The following RGS22 variants were observed in gnomAD, a reference collection of about 807,000 sequenced individuals.
The protein encoded by RGS22 is regulator of G protein signaling 22, also known as regulator of G-protein signaling 22.
Under a neutral mutation model 172.9 loss-of-function variants are expected in RGS22, and 148 were observed. That is an observed-to-expected ratio of 0.86 (90% CI 0.75 to 0.98). RGS22 has a LOEUF of 0.98. Ranked by LOEUF, RGS22 falls within the 50% of genes least tolerant of loss-of-function variation. The pLI is 0.00. For synonymous variants in RGS22, 458 were observed against 480.2 expected (o/e 0.95, Z 0.60); for missense variants, 1,347 against 1,440.8 (o/e 0.93, Z 1.05).
In RGS22 at chr8:100,016,978, CTTTTTTTTTTTTTTTTTT is replaced by C. The variant is rs71274949; in HGVS notation, c.2167-8427_2167-8410del. On this transcript the variant is annotated intron_variant, in intron 14 of 27. Transcript: ENST00000360863. The stretch of plus-strand genomic sequence containing the variant: ...CCTACATCCCTGATTCCTTACCAGT[CTTTTTTTTTTTTTTTTTT>C]TTTTTTTTTTTTTTTTTTTTAAACA... 7.6e-3 allele frequency among the ~76,000 whole-genome samples: 274 copies of C among 36,136 alleles called. 5 individuals are homozygous for C. The East Asian group carries it at 0.097, about 13-fold the overall frequency. 23.7% of individuals were successfully genotyped at this position (36,136 alleles called of 152,430 possible).
intron 3 of RGS22, among the ~76,000 whole-genome samples, chr8:100,083,625 C>CAA (rs1476983968): frequency 1.3e-5 from 2 of 151,972 alleles, no homozygotes; most frequent in Non-Finnish European, 2.9e-5. Context: ...CTTGGCCTCT[C>CAA]AAAGTGCTGG....
chr8:100,101,572 C>T (rs769390114), intron 2 of RGS22, among the ~76,000 whole-genome samples: 9 of 150,606 alleles, frequency 6.0e-5, no homozygotes, highest in African/African-American at 9.8e-5. Context: ...AGATTACAAG[C>T]ATGAGCCACT....
At chr8:99,978,144 T>C (rs956134763) in intron 22 of RGS22, 69 bp from the exon 23 acceptor site, 1 of 839,098 alleles carries the variant, frequency 1.2e-6, no homozygotes, top group African/African-American at 1.8e-5. Flanking sequence ...TTCACCATAA[T>C]AACAGATTAA....
intron 3 of RGS22, among the ~76,000 whole-genome samples, chr8:100,083,331 C>T (rs2446909): frequency 0.34 from 51,148 of 152,040 alleles, 9,930 homozygotes; most frequent in East Asian, 0.45. Flanking sequence ...CCGTCACATG[C>T]AGAGGCCAGG....
Position 100,001,265 on chromosome 8 carries a change from C to T in RGS22, c.2790+937G>A, listed in dbSNP as rs537382754. Among the ~76,000 whole-genome samples, 5 of 94,438 alleles carry T rather than the reference C, an allele frequency of 5.3e-5. No individual in the cohort carries two copies. In the South Asian group the frequency reaches 1.3e-3, roughly 25 times the overall value. 62.0% of individuals were successfully genotyped at this position (94,438 alleles called of 152,430 possible). A position where few individuals can be genotyped will look rare whatever the true frequency, so the allele number is the denominator to read the frequency against. On this transcript the variant is annotated intron_variant, in intron 18 of 27. Transcript: ENST00000360863. ...TTTTTTTTTTTGAGACACAGTCTCA[C>T]TCACTCTGTTGTCTAGGCTGGAGTG...
intron 3 of RGS22, among the ~76,000 whole-genome samples, chr8:100,090,127 G>C (rs1195703205): frequency 6.6e-6 from 1 of 152,176 alleles, no homozygotes; most frequent in African/African-American, 2.4e-5. Context: ...GAAAAGAAAA[G>C]TGAAGCACTA....
intron 23 of RGS22, among the ~76,000 whole-genome samples, chr8:99,970,387 C>A (rs1811206811): frequency 6.6e-6 from 1 of 151,892 alleles, no homozygotes; most frequent in African/African-American, 2.4e-5. Flanking sequence ...AAGATCAGAG[C>A]AAAACTAAAG....
At chr8:100,058,392 C>G (rs1317764431) in intron 9 of RGS22, among the ~76,000 whole-genome samples, 1 of 152,028 alleles carries the variant, frequency 6.6e-6, no homozygotes, top group Admixed American at 6.6e-5. Context: ...AAGAAGACCA[C>G]CACAAGGCAT....
At chr8:100,060,586 G>A (rs551423065) in intron 9 of RGS22, among the ~76,000 whole-genome samples, 33 of 151,114 alleles carry the variant, frequency 2.2e-4, no homozygotes, top group African/African-American at 7.5e-4. Flanking sequence ...ATATAGCTAG[G>A]AATACCTAGG....
chr8:100,085,168 G>T (rs1386011556), intron 3 of RGS22, among the ~76,000 whole-genome samples: 1 of 152,122 alleles, frequency 6.6e-6, no homozygotes, highest in East Asian at 1.9e-4. Flanking sequence ...GTCCATGATG[G>T]ACGTTCCAGG....
chr8:100,022,105 G>A (rs888522703), intron 14 of RGS22, among the ~76,000 whole-genome samples: 2 of 152,096 alleles, frequency 1.3e-5, no homozygotes, highest in East Asian at 3.9e-4. Context: ...AATTACAGAT[G>A]GAGCTTTTCA....
chr8:100,032,246 T>C (rs185511318), intron 14 of RGS22, among the ~76,000 whole-genome samples: 13 of 152,230 alleles, frequency 8.5e-5, no homozygotes, highest in Admixed American at 7.8e-4. Context: ...TCAAGACCCA[T>C]CAGTGTGCTG....
At chr8:99,985,561 G>A (rs1813005876) in intron 21 of RGS22, among the ~76,000 whole-genome samples, 1 of 152,132 alleles carries the variant, frequency 6.6e-6, no homozygotes, top group Non-Finnish European at 1.5e-5. Flanking sequence ...ATGTCTTCCT[G>A]CCTGAAAGAG....
chr8:99,982,630 C>T (rs576411839), intron 21 of RGS22, among the ~76,000 whole-genome samples: 3 of 152,256 alleles, frequency 2.0e-5, no homozygotes, highest in East Asian at 1.9e-4. Flanking sequence ...AAAGCTTTCC[C>T]GTCCAGTCCT....
chr8:100,069,388 T>C (rs1810780858), intron 6 of RGS22, among the ~76,000 whole-genome samples: 1 of 152,220 alleles, frequency 6.6e-6, no homozygotes, highest in Admixed American at 6.5e-5. Flanking sequence ...AATTGTGTAT[T>C]AGAAGTATAG....
intron 3 of RGS22, among the ~76,000 whole-genome samples, chr8:100,092,379 C>T (rs1018585974): frequency 1.3e-5 from 2 of 152,050 alleles, no homozygotes; most frequent in African/African-American, 4.8e-5. Flanking sequence ...AATGTGTCCC[C>T]CAAATTTAAT....
intron 23 of RGS22, among the ~76,000 whole-genome samples, chr8:99,970,799 T>C (rs1031318540): frequency 2.0e-5 from 3 of 152,006 alleles, no homozygotes; most frequent in African/African-American, 7.3e-5. Flanking sequence ...CTACCAGAGG[T>C]ACAAAGAGGA....
intron 14 of RGS22, among the ~76,000 whole-genome samples, chr8:100,033,954 G>T (rs950362326): frequency 6.6e-6 from 1 of 152,132 alleles, no homozygotes; most frequent in African/African-American, 2.4e-5. Context: ...AGGTATTGAT[G>T]GAATGTATCT....
intron 20 of RGS22, among the ~76,000 whole-genome samples, chr8:99,990,945 C>T (rs1437852565): frequency 6.6e-6 from 1 of 152,190 alleles, no homozygotes; most frequent in East Asian, 1.9e-4. Context: ...TGTTCTGCAG[C>T]CTCCGCTGGT....
Sources: gnomAD v4.1 joint callset for allele counts (sites outside exome capture counted in the v4.1 genomes callset) on GRCh38, gnomAD v4.1.1 for gene constraint, MANE v1.5 for transcripts, NCBI Gene and HGNC (gene_info 2026-07-23, HGNC 2026-07-21) for gene names.